The following ATP13A4 variants were observed in gnomAD, a reference collection of about 807,000 sequenced individuals.
The protein encoded by ATP13A4 is ATPase 13A4.
ATP13A4 carries 114 observed loss-of-function variants against 142.5 expected under a neutral mutation model. The observed-to-expected ratio is 0.80, with a 90% confidence interval of 0.69 to 0.93. The LOEUF (loss-of-function observed/expected upper bound fraction) is 0.93, where lower values mean the gene tolerates loss of function less well. ATP13A4 is among the 40% of genes least tolerant of loss of function. The pLI is 0.00. For synonymous variants in ATP13A4, 488 were observed against 514.8 expected, an observed-to-expected ratio of 0.95 and a Z score of 0.70; for missense variants, 1,392 against 1,454.0, an observed-to-expected ratio of 0.96 and a Z score of 0.69.
At chr3:193,555,929 T>C (rs1723868363), upstream of ATP13A4, among the ~76,000 whole-genome samples, 1 of 152,196 alleles carries the variant, frequency 6.6e-6, no homozygotes, top group Admixed American at 6.5e-5. Context: ...ACAGGACTTT[T>C]GAGAGAATGG....
chr3:193,501,881 C>T (rs1483355778), intron 3 of ATP13A4, among the ~76,000 whole-genome samples: 12 of 152,110 alleles, frequency 7.9e-5, no homozygotes, highest in Non-Finnish European at 1.8e-4. Context: ...CATAAGCAAA[C>T]CTCCTGGGAT....
At chr3:193,574,519 G>A (rs544086672) in intron 2 of ATP13A4, among the ~76,000 whole-genome samples, 29 of 152,318 alleles carry the variant, frequency 1.9e-4, no homozygotes, top group African/African-American at 5.3e-4. Flanking sequence ...AGGAGTTCAA[G>A]GCCAGCCTGG....
intron 23 of ATP13A4, among the ~76,000 whole-genome samples, chr3:193,436,074 T>G (rs1025603584): frequency 6.6e-6 from 1 of 152,218 alleles, no homozygotes; most frequent in African/African-American, 2.4e-5. Flanking sequence ...TTCTACCTAT[T>G]CACTAATGAG....
intron 1 of ATP13A4, among the ~76,000 whole-genome samples, chr3:193,517,700 G>C (rs1365140696): frequency 6.8e-6 from 1 of 146,926 alleles, no homozygotes. Flanking sequence ...TGGCCAGGAT[G>C]GTCTCATCTC....
chr3:193,411,871 G>C (rs1350818180), intron 27 of ATP13A4, among the ~76,000 whole-genome samples: 1 of 152,166 alleles, frequency 6.6e-6, no homozygotes, highest in African/African-American at 2.4e-5. Flanking sequence ...GGTGAATTCT[G>C]ACAAGTACTG....
intron 2 of ATP13A4, among the ~76,000 whole-genome samples, chr3:193,564,975 A>G (rs1398181908): frequency 2.0e-5 from 3 of 152,196 alleles, no homozygotes. Flanking sequence ...ATGAACTGTC[A>G]CTGTTTCCCG....
chr3:193,485,483 C>G (rs1209162238), intron 7 of ATP13A4, among the ~76,000 whole-genome samples: 1 of 152,104 alleles, frequency 6.6e-6, no homozygotes, highest in Non-Finnish European at 1.5e-5. Context: ...CACAAGTGTA[C>G]AGTGGAGACG....
rs79897480 is a variant in ATP13A4, at chr3:193,524,950, G to A, written c.61-10079C>T. ...TCTCTAGCACATCATCCTATTTTAGGTCTCTATGAGCCTTTATCTCTATCT... is the reference window on the plus strand; with the variant it reads ...TCTCTAGCACATCATCCTATTTTAGATCTCTATGAGCCTTTATCTCTATCT... On this transcript the variant is annotated intron_variant, in intron 1 of 29. Coordinates refer to ENST00000342695, the MANE Select transcript of ATP13A4 (RefSeq NM_032279.4). Among the ~76,000 whole-genome samples the A allele has an allele frequency of 5.4e-3, 825 of 152,100 alleles. 14 individuals are homozygous for A. The East Asian group carries it at 0.07, about 13-fold the overall frequency.
chr3:193,505,030 C>G (rs937210052), intron 2 of ATP13A4, among the ~76,000 whole-genome samples: 6 of 152,270 alleles, frequency 3.9e-5, no homozygotes, highest in African/African-American at 9.6e-5. Flanking sequence ...AACTAACCAC[C>G]AGCAAGGCTA....
At chr3:193,441,357 CACTG>C in intron 20 of ATP13A4, 105 bp downstream of exon 20, 3 of 1,362,930 alleles carry the variant, frequency 2.2e-6, no homozygotes, top group Non-Finnish European at 3.1e-6. Flanking sequence ...ACAGAAAACT[CACTG>C]AGTATATTTT....
rs558439132 is a variant in ATP13A4, at chr3:193,517,534, A to G, written c.61-2663T>C. Among the ~76,000 whole-genome samples the G allele has an allele frequency of 4.0e-3, 607 of 152,252 alleles. 1 individual carries two copies. Among genetic ancestry groups the G allele is most frequent in the African/African-American group, 0.012 (485 of 41,550 alleles). ...TTCGCTCTGTCGCCCAGGCTGGAGTACAGTGGCGCGATCTCGGCTCACTGC... is the reference window on the plus strand; with the variant it reads ...TTCGCTCTGTCGCCCAGGCTGGAGTGCAGTGGCGCGATCTCGGCTCACTGC... On this transcript the variant is annotated intron_variant, in intron 1 of 29. Coordinates refer to ENST00000342695, the MANE Select transcript of ATP13A4 (RefSeq NM_032279.4).
intron 18 of ATP13A4, among the ~76,000 whole-genome samples, chr3:193,445,502 A>G (rs998014147): frequency 1.3e-4 from 19 of 149,836 alleles, no homozygotes; most frequent in African/African-American, 4.4e-4. Context: ...CATGCCTATA[A>G]TCCCAGCACT....
chr3:193,476,438 G>A (rs1718970835), intron 8 of ATP13A4, among the ~76,000 whole-genome samples: 1 of 152,104 alleles, frequency 6.6e-6, no homozygotes. Context: ...ACTGGTTTGA[G>A]CTTCTATTCA....
chr3:193,439,232 C>T, intron 21 of ATP13A4, 167 bp from the exon 22 acceptor site: 1 of 701,360 alleles, frequency 1.4e-6, no homozygotes, highest in South Asian at 1.7e-5. Flanking sequence ...GCAGTTAATA[C>T]AATGGATTTA....
At chr3:193,571,147 G>A (rs988375461) in intron 2 of ATP13A4, among the ~76,000 whole-genome samples, 6 of 151,986 alleles carry the variant, frequency 3.9e-5, no homozygotes, top group South Asian at 2.1e-4. Context: ...GCATGGTGGC[G>A]TGGGCCTGTG....
intron 2 of ATP13A4, among the ~76,000 whole-genome samples, chr3:193,563,293 C>A (rs149442820): frequency 6.6e-6 from 1 of 152,226 alleles, no homozygotes; most frequent in African/African-American, 2.4e-5. Context: ...GCAGAGAAGG[C>A]CTGGCTAACC....
chr3:193,591,830 T>C (rs1283297451), intron 1 of ATP13A4, among the ~76,000 whole-genome samples: 1 of 152,226 alleles, frequency 6.6e-6, no homozygotes, highest in Non-Finnish European at 1.5e-5. Flanking sequence ...TGGTTTCTCT[T>C]ATTTTATTTT....
intron 2 of ATP13A4, among the ~76,000 whole-genome samples, chr3:193,508,944 A>G (rs1362097348): frequency 1.3e-5 from 2 of 151,942 alleles, no homozygotes; most frequent in African/African-American, 4.8e-5. Context: ...TGAAATGTAT[A>G]CCACAATCAC....
rs554169067 is a variant in ATP13A4 at position 193,550,310 on chromosome 3, T to G, written c.60+4430A>C. Among the ~76,000 whole-genome samples, 18 of 150,748 alleles carry G rather than the reference T, an allele frequency of 1.2e-4. No individual in the cohort carries two copies. The East Asian group carries it at 2.1e-3, about 18-fold the overall frequency. ...TAGAAAGTGGTGAATTTTAGGTTTT[T>G]TTTTTTTTTTTTTTGAGACGGAGTC... On this transcript the variant is annotated intron_variant, in intron 1 of 29. Transcript: ENST00000342695.
Sources: allele counts gnomAD v4.1 joint callset (sites outside exome capture counted in the v4.1 genomes callset), GRCh38; gene constraint gnomAD v4.1.1; transcripts MANE v1.5; gene names NCBI Gene and HGNC (gene_info 2026-07-23, HGNC 2026-07-21).